Variants in CNTNAP4 observed in about 807,000 individuals in gnomAD.
CNTNAP4 encodes contactin associated protein family member 4.
Under a neutral mutation model 148.4 loss-of-function variants are expected in CNTNAP4, and 98 were observed. That is an observed-to-expected ratio of 0.66 (90% confidence interval 0.56 to 0.78). CNTNAP4 has a LOEUF of 0.78. Among genes scored for constraint, CNTNAP4 ranks in the 30% least tolerant of loss-of-function variants. The pLI is 0.00. For synonymous variants in CNTNAP4, 730 were observed against 565.1 expected, an observed-to-expected ratio of 1.29 and a Z score of -4.14; for missense variants, 1,935 against 1,565.6, an observed-to-expected ratio of 1.24 and a Z score of -3.98.
chr16:76,449,911 C>G lies in CNTNAP4; in HGVS notation c.1071+53C>G, dbSNP rs980087980. On this transcript the variant is annotated intron_variant, in intron 7 of 23. Transcript: ENST00000611870. Reference sequence around the variant, plus strand: ...TAAAACTATATTTCTTTTTTCCACACAGTAAAATTCCTCCATTTTAGGTTC... The same window carrying G: ...TAAAACTATATTTCTTTTTTCCACAGAGTAAAATTCCTCCATTTTAGGTTC... 6 of 1,466,126 alleles carry G rather than the reference C, an allele frequency of 4.1e-6. No individual in the cohort carries two copies. In the African/African-American group the frequency reaches 8.6e-5, roughly 21 times the overall value. The allele number at this position is 1,466,126 out of a possible 1,614,324, so 90.8% of individuals were successfully genotyped here.
chr16:76,548,529 A>C (rs564506080), intron 21 of CNTNAP4, among the ~76,000 whole-genome samples: 1 of 151,830 alleles, frequency 6.6e-6, no homozygotes, highest in Non-Finnish European at 1.5e-5. Context: ...ATAGAAGGGC[A>C]CTTCACCAAA....
chr16:76,386,725 T>C (rs529566500), intron 3 of CNTNAP4, among the ~76,000 whole-genome samples: 121 of 152,278 alleles, frequency 7.9e-4, no homozygotes, highest in African/African-American at 2.8e-3. Context: ...CGTTGGGACC[T>C]ATAGGTATGA....
chr16:76,478,642 T>C (rs1823344950), intron 11 of CNTNAP4, among the ~76,000 whole-genome samples: 1 of 152,180 alleles, frequency 6.6e-6, no homozygotes, highest in African/African-American at 2.4e-5. Flanking sequence ...CAATGAGAGG[T>C]GTGCATTATA....
At chr16:76,547,649 G>A (rs1355012417) in intron 21 of CNTNAP4, among the ~76,000 whole-genome samples, 2 of 152,134 alleles carry the variant, frequency 1.3e-5, no homozygotes, top group Non-Finnish European at 2.9e-5. Flanking sequence ...TTATGTTATA[G>A]GAGTTTTCTA....
intron 15 of CNTNAP4, among the ~76,000 whole-genome samples, 168 bp from the exon 16 acceptor site, chr16:76,520,972 C>T (rs1460314024): frequency 3.8e-4 from 58 of 151,934 alleles, no homozygotes; most frequent in Non-Finnish European, 8.8e-5. Context: ...TTATGATATA[C>T]TCATATCTTG....
chr16:76,552,939 T>G (rs1042200973), intron 21 of CNTNAP4, among the ~76,000 whole-genome samples: 4 of 152,216 alleles, frequency 2.6e-5, no homozygotes, highest in African/African-American at 9.6e-5. Flanking sequence ...TGATATTGAC[T>G]ACAAGCCCTA....
intron 2 of CNTNAP4, among the ~76,000 whole-genome samples, chr16:76,327,033 A>T (rs1963061288): frequency 6.6e-6 from 1 of 152,204 alleles, no homozygotes; most frequent in Non-Finnish European, 1.5e-5. Context: ...AAGATGTGTC[A>T]TGTGGATTGG....
intron 4 of CNTNAP4, among the ~76,000 whole-genome samples, chr16:76,437,457 A>G (rs913944138): frequency 1.3e-5 from 2 of 152,180 alleles, no homozygotes; most frequent in African/African-American, 4.8e-5. Flanking sequence ...TATCAGGGTC[A>G]TGGCAAAAGA....
In CNTNAP4 at chr16:76,397,941, TATACATATATATATATATATATATATATA is replaced by T. The variant is rs1567998697; in HGVS notation, c.391-29510_391-29482del. Among the ~76,000 whole-genome samples the T allele has an allele frequency of 3.1e-3, 6 of 1,928 alleles. 2 individuals are homozygous for T. Among genetic ancestry groups the T allele is most frequent in the South Asian group, 0.048 (2 of 42 alleles). The allele number at this position is 1,928 out of a possible 152,430, so 1.3% of individuals were successfully genotyped here. A position where few individuals can be genotyped will look rare whatever the true frequency, so the allele number is the denominator to read the frequency against. ...CTAGAGGGACAGAACTAATAGATTA[TATACATATATATATATATATATATATATA>T]TATATATATATATATATATATATAT... On this transcript the variant is annotated intron_variant, in intron 3 of 23. Coordinates refer to ENST00000611870, the MANE Select transcript of CNTNAP4 (RefSeq NM_033401.5).
intron 2 of CNTNAP4, among the ~76,000 whole-genome samples, chr16:76,329,288 C>A (rs1308407957): frequency 1.3e-5 from 2 of 152,208 alleles, no homozygotes; most frequent in Admixed American, 6.5e-5. Context: ...GTGAAATAAA[C>A]ATCAAAGCCT....
At position 76,277,429 on chromosome 16, in the gene CNTNAP4, G is replaced by T. The variant is rs907241822; in HGVS notation, c.-234G>T. The T allele has an allele frequency of 1.9e-6, 1 of 516,740 alleles. No individual in the cohort carries two copies. The allele number at this position is 516,740 out of a possible 1,614,324, so 32.0% of individuals were successfully genotyped here. On this transcript the variant is annotated 5_prime_UTR_variant, in exon 1 of 24. Transcript: ENST00000611870. ...TTTCAGTGAGGAGTCAGGGAGGTGTGTGTGAGAGAGAGAGAGAAAAGAGAG... is the reference window on the plus strand; with the variant it reads ...TTTCAGTGAGGAGTCAGGGAGGTGTTTGTGAGAGAGAGAGAGAAAAGAGAG...
intron 16 of CNTNAP4, 42 bp from the exon 17 acceptor site, chr16:76,521,997 A>G: frequency 1.3e-6 from 2 of 1,582,056 alleles, no homozygotes; most frequent in Non-Finnish European, 8.7e-7. Context: ...GCACTTCGCC[A>G]TAGGAACTCA....
chr16:76,434,986 A>G (rs149535333), intron 4 of CNTNAP4, among the ~76,000 whole-genome samples: 1 of 152,300 alleles, frequency 6.6e-6, no homozygotes, highest in Non-Finnish European at 1.5e-5. Context: ...GACAGTGTCC[A>G]GTGGTCCCTG....
chr16:76,338,733 T>G (rs2144325441), intron 2 of CNTNAP4, among the ~76,000 whole-genome samples: 2 of 152,256 alleles, frequency 1.3e-5, no homozygotes, highest in South Asian at 4.1e-4. Flanking sequence ...GTTTTCAGGG[T>G]TTGCCTGACT....
intron 3 of CNTNAP4, among the ~76,000 whole-genome samples, chr16:76,425,646 G>T (rs938323673): frequency 2.6e-5 from 4 of 152,086 alleles, no homozygotes; most frequent in Non-Finnish European, 5.9e-5. Context: ...GCCTGTCTTG[G>T]GGGTAATATT....
In CNTNAP4 at chr16:76,452,768, A is replaced by G; in HGVS notation, c.1332A>G (p.Ala444=). Residue 444 remains alanine (A), a splice_region_variant and synonymous_variant, in exon 8 of 24, where the codon GCA becomes GCG. Transcript: ENST00000611870. Reference sequence around the variant, plus strand: ...GAAAATTACCCAGTGACATCACAGCAGGTAATAAATGTATTCCCTGGGGCA... The same window carrying G: ...GAAAATTACCCAGTGACATCACAGCGGGTAATAAATGTATTCCCTGGGGCA... ...QPGKLPSDIT[A]GVELNDGQWH... is the part of the protein sequence containing the mutation. 1 of 1,568,994 alleles carries G rather than the reference A, an allele frequency of 6.4e-7. No individual in the cohort carries two copies. The highest frequency in any genetic ancestry group is 8.6e-7 in the Non-Finnish European group (1 of 1,157,518).
intron 3 of CNTNAP4, among the ~76,000 whole-genome samples, chr16:76,411,200 C>T (rs1253543651): frequency 1.3e-5 from 2 of 151,332 alleles, no homozygotes; most frequent in African/African-American, 2.4e-5. Flanking sequence ...ATATAATAAA[C>T]TGGATATTTA....
chr16:76,470,473 T>TCTA (rs573976872), intron 10 of CNTNAP4, among the ~76,000 whole-genome samples: 6,399 of 65,726 alleles, frequency 0.097, 814 homozygotes, highest in African/African-American at 0.21. Context: ...AAACCACGTC[T>TCTA]CTACTAATAA....
At chr16:76,318,799 GAA>G (rs1458579613) in intron 2 of CNTNAP4, among the ~76,000 whole-genome samples, 2 of 149,108 alleles carry the variant, frequency 1.3e-5, no homozygotes, top group South Asian at 2.1e-4. Context: ...ATAATTATGA[GAA>G]ATTATTCTCA....
Sources: gnomAD v4.1 joint callset for allele counts (sites outside exome capture counted in the v4.1 genomes callset) on GRCh38, gnomAD v4.1.1 for gene constraint, MANE v1.5 for transcripts, NCBI Gene and HGNC (gene_info 2026-07-23, HGNC 2026-07-21) for gene names.